ALPK1: variants seen among roughly 807,000 people sequenced by gnomAD.
ALPK1 encodes alpha-protein kinase 1.
In ALPK1, 110 loss-of-function variants were observed where a neutral mutation model predicts 120.6. The ratio of observed to expected loss-of-function variants is 0.91; its 90% CI spans 0.78 to 1.07. The LOEUF (loss-of-function observed/expected upper bound fraction) is 1.07. Ranked by LOEUF, ALPK1 falls within the 50% of genes least tolerant of loss-of-function variation. The pLI, the probability that ALPK1 is intolerant of heterozygous loss-of-function variation, is 0.00. For synonymous variants in ALPK1, 582 were observed against 560.3 expected, an observed-to-expected ratio of 1.04 and a Z score of -0.55; for missense variants, 1,498 against 1,483.9, an observed-to-expected ratio of 1.01 and a Z score of -0.16.
chr4:112,326,323 G>A (rs987693289), intron 2 of ALPK1, among the ~76,000 whole-genome samples: 1 of 152,156 alleles, frequency 6.6e-6, no homozygotes, highest in Admixed American at 6.5e-5. Context: ...CTGCAACTGA[G>A]TTAGTTTCTG....
At chr4:112,305,893 G>C (rs1026226068) in intron 1 of ALPK1, among the ~76,000 whole-genome samples, 1 of 151,964 alleles carries the variant, frequency 6.6e-6, no homozygotes, top group Non-Finnish European at 1.5e-5. Context: ...GTTTGTCATA[G>C]ATAGCTCTTA....
At chr4:112,439,546 T>G in intron 13 of ALPK1, 140 bp from the exon 14 acceptor site, 1 of 617,412 alleles carries the variant, frequency 1.6e-6, no homozygotes, top group East Asian at 3.0e-5. Flanking sequence ...GTAGTTATAA[T>G]TATACCTACT....
At chr4:112,395,868 A>G (rs1359895682) in intron 4 of ALPK1, among the ~76,000 whole-genome samples, 1 of 152,202 alleles carries the variant, frequency 6.6e-6, no homozygotes, top group Admixed American at 6.5e-5. Flanking sequence ...TCACATTTCA[A>G]TCCATCTACC....
chr4:112,374,288 T>A (rs1578512481), intron 2 of ALPK1, among the ~76,000 whole-genome samples: 1 of 152,224 alleles, frequency 6.6e-6, no homozygotes, highest in East Asian at 1.9e-4. Flanking sequence ...TGCCCATCTA[T>A]AAGGAGCAAC....
chr4:112,316,374 A>C (rs1415679450), intron 2 of ALPK1: 1 of 152,176 alleles, frequency 6.6e-6, no homozygotes, highest in Non-Finnish European at 1.5e-5. Flanking sequence ...GTGGAATAAT[A>C]TTTTATTGCA....
intron 2 of ALPK1, chr4:112,359,416 T>C: frequency 3.3e-6 from 1 of 301,520 alleles, no homozygotes; most frequent in Non-Finnish European, 6.4e-6. Flanking sequence ...CCTGAGAACA[T>C]CCCCCTGCTG....
chr4:112,421,457 G>A (rs184170583), intron 5 of ALPK1, among the ~76,000 whole-genome samples: 31 of 152,208 alleles, frequency 2.0e-4, no homozygotes, highest in Non-Finnish European at 2.4e-4. Context: ...TGACCCTAAG[G>A]TCACATTTTA....
intron 2 of ALPK1, among the ~76,000 whole-genome samples, chr4:112,328,626 C>A (rs964348634): frequency 3.3e-5 from 5 of 152,200 alleles, no homozygotes; most frequent in Admixed American, 3.3e-4. Flanking sequence ...TTCAGGACTC[C>A]TAAGAAAGCT....
intron 4 of ALPK1, among the ~76,000 whole-genome samples, chr4:112,400,927 A>T (rs777996314): frequency 6.6e-6 from 1 of 152,144 alleles, no homozygotes; most frequent in Non-Finnish European, 1.5e-5. Context: ...AATGTGTTTC[A>T]TCCACAGAAG....
intron 1 of ALPK1, among the ~76,000 whole-genome samples, chr4:112,309,754 A>G (rs1270888745): frequency 1.3e-5 from 2 of 152,062 alleles, no homozygotes; most frequent in African/African-American, 4.8e-5. Context: ...CAACCATGCC[A>G]TACTCTTGTC....
Position 112,438,485 on chromosome 4 carries a change from T to G in ALPK1, c.3190T>G (p.Tyr1064Asp). Reference protein sequence around the residue: ...HLHQEEILGRYVGKDYKEQKG... With the variant: ...HLHQEEILGRDVGKDYKEQKG... ...TGTGTGGATTTTCTTTGTTCATAGG[T>G]ATGTTGGGAAAGACTATAAGGAGCA... is the stretch of plus-strand genomic sequence containing the variant. The change falls in exon 13 of 16, where the codon TAT becomes GAT. Residue 1064 changes from tyrosine (Y) to aspartate (D), a missense_variant and splice_region_variant. Transcript: ENST00000650871. 1 of 1,612,896 alleles carries G rather than the reference T, an allele frequency of 6.2e-7. No individual in the cohort carries two copies. Among genetic ancestry groups the G allele is most frequent in the South Asian group, 1.1e-5 (1 of 90,992 alleles).
chr4:112,435,050 C>A, intron 11 of ALPK1, 98 bp from the exon 12 acceptor site: 1 of 1,175,012 alleles, frequency 8.5e-7, no homozygotes, highest in South Asian at 1.4e-5. Flanking sequence ...GTGAAGATTT[C>A]AGGTGAGCTG....
rs201681617 is a variant in ALPK1, at chr4:112,423,936, C to T, written c.476-8C>T. On this transcript the variant is annotated splice_region_variant and splice_polypyrimidine_tract_variant and intron_variant, in intron 5 of 15. Coordinates refer to ENST00000650871, the MANE Select transcript of ALPK1 (RefSeq NM_025144.4). ...CTAATTGTGTGGCATTTGGTTGCTG[C>T]TTTTCAGGAAAACTTTTAAAAGCAG... The T allele has an allele frequency of 3.5e-5, 57 of 1,613,756 alleles. No homozygotes were observed. The highest frequency in any genetic ancestry group is 4.7e-5 in the Non-Finnish European group (56 of 1,179,942).
chr4:112,423,926 T>C lies in ALPK1; in HGVS notation c.476-18T>C, dbSNP rs984503890. 15 of 1,613,710 alleles carry C rather than the reference T, an allele frequency of 9.3e-6. No individual in the cohort carries two copies. The African/African-American group carries it at 1.6e-4, about 17-fold the overall frequency. Reference sequence around the variant, plus strand: ...ATGTTCAAAGCTAATTGTGTGGCATTTGGTTGCTGCTTTTCAGGAAAACTT... The same window carrying C: ...ATGTTCAAAGCTAATTGTGTGGCATCTGGTTGCTGCTTTTCAGGAAAACTT... On this transcript the variant is annotated intron_variant, in intron 5 of 15. Transcript: ENST00000650871.
chr4:112,411,117 G>C (rs1260937928), intron 4 of ALPK1: 1 of 154,902 alleles, frequency 6.5e-6, no homozygotes, highest in Non-Finnish European at 1.5e-5. Flanking sequence ...CGTTCTGGAA[G>C]GAACGTCTCT....
chr4:112,379,517 G>A (rs2148727530), intron 3 of ALPK1, among the ~76,000 whole-genome samples: 1 of 152,376 alleles, frequency 6.6e-6, no homozygotes, highest in South Asian at 2.1e-4. Flanking sequence ...AGCCCACCGT[G>A]CGGATGGAGT....
intron 1 of ALPK1, among the ~76,000 whole-genome samples, chr4:112,308,283 G>C (rs1728212662): frequency 6.6e-6 from 1 of 151,974 alleles, no homozygotes; most frequent in South Asian, 2.1e-4. Flanking sequence ...TCCTGAATTT[G>C]AATGTTGGCC....
rs898494071 is a variant in ALPK1 at position 112,307,061 on chromosome 4, T to C, written c.-152-8740T>C. The stretch of plus-strand genomic sequence containing the variant: ...TCAGTTTCCATGTAGTTGAGCGGTT[T>C]TGAGTGAGTTTCTTAATCCTGAGTT... On this transcript the variant is annotated intron_variant, in intron 1 of 15. Coordinates refer to ENST00000650871, the MANE Select transcript of ALPK1 (RefSeq NM_025144.4). Among the ~76,000 whole-genome samples the C allele has an allele frequency of 8.5e-5, 13 of 152,266 alleles. 1 individual carries two copies. Among genetic ancestry groups the C allele is most frequent in the African/African-American group, 3.1e-4 (13 of 41,508 alleles).
chr4:112,373,805 C>T (rs1731526579), intron 2 of ALPK1, among the ~76,000 whole-genome samples: 1 of 152,188 alleles, frequency 6.6e-6, no homozygotes, highest in South Asian at 2.1e-4. Context: ...GTTATGTTTA[C>T]ACCATACTAT....
Sources: gnomAD v4.1 joint callset for allele counts (sites outside exome capture counted in the v4.1 genomes callset) on GRCh38, gnomAD v4.1.1 for gene constraint, MANE v1.5 for transcripts, NCBI Gene and HGNC (gene_info 2026-07-23, HGNC 2026-07-21) for gene names.